CPA6: variants seen among roughly 807,000 people sequenced by gnomAD.
CPA6 encodes the protein carboxypeptidase A6.
Under a neutral mutation model 63.3 loss-of-function variants are expected in CPA6, and 58 were observed. The observed-to-expected ratio is 0.92, with a 90% confidence interval of 0.74 to 1.14. The LOEUF is 1.14. Ranked by LOEUF, CPA6 falls within the 50% of genes most tolerant of loss-of-function variation. The pLI, the probability that CPA6 is intolerant of heterozygous loss-of-function variation, is 0.00. For missense variants in CPA6, 565 were observed against 526.6 expected, an observed-to-expected ratio of 1.07 and a Z score of -0.71; for synonymous variants, 185 against 179.0, an observed-to-expected ratio of 1.03 and a Z score of -0.27.
At chr8:67,681,186 G>A (rs1816584305) in intron 1 of CPA6, among the ~76,000 whole-genome samples, 1 of 145,310 alleles carries the variant, frequency 6.9e-6, no homozygotes, top group South Asian at 2.2e-4. Flanking sequence ...TCAACCCAAG[G>A]TCACAAAGAT....
intron 8 of CPA6, among the ~76,000 whole-genome samples, chr8:67,445,085 T>G (rs28454760): frequency 6.6e-6 from 1 of 151,968 alleles, no homozygotes; most frequent in East Asian, 1.9e-4. Flanking sequence ...ATGTTATATG[T>G]GCTTAGAGGA....
intron 6 of CPA6, among the ~76,000 whole-genome samples, chr8:67,486,587 C>A (rs1811483012): frequency 6.6e-6 from 1 of 152,118 alleles, no homozygotes; most frequent in Non-Finnish European, 1.5e-5. Flanking sequence ...TCCACATGAG[C>A]TAAGTGTATG....
chr8:67,710,411 C>T (rs867846183), intron 1 of CPA6, among the ~76,000 whole-genome samples: 1 of 148,750 alleles, frequency 6.7e-6, no homozygotes, highest in South Asian at 2.2e-4. Context: ...CCACCCCCCC[C>T]CAACCCCCCA....
intron 2 of CPA6, among the ~76,000 whole-genome samples, chr8:67,591,691 T>C (rs1188425843): frequency 6.6e-6 from 1 of 152,232 alleles, no homozygotes; most frequent in Non-Finnish European, 1.5e-5. Context: ...TCTGTTTGTC[T>C]GTTATTGGTG....
intron 1 of CPA6, among the ~76,000 whole-genome samples, chr8:67,631,689 T>G (rs1815334854): frequency 6.6e-6 from 1 of 152,214 alleles, no homozygotes; most frequent in African/African-American, 2.4e-5. Flanking sequence ...TAAACTTTGT[T>G]CTTTTATTGT....
intron 8 of CPA6, among the ~76,000 whole-genome samples, chr8:67,462,587 C>A (rs1810837092): frequency 6.6e-6 from 1 of 152,028 alleles, no homozygotes; most frequent in Non-Finnish European, 1.5e-5. Context: ...TGGACATTGC[C>A]AAAGACCCAT....
chr8:67,430,504 A>G (rs966004526), intron 9 of CPA6, among the ~76,000 whole-genome samples: 1 of 152,168 alleles, frequency 6.6e-6, no homozygotes, highest in African/African-American at 2.4e-5. Flanking sequence ...ATGACTAAAA[A>G]ACATTGCCAG....
intron 2 of CPA6, among the ~76,000 whole-genome samples, chr8:67,590,671 G>T (rs1285628503): frequency 6.6e-6 from 1 of 152,026 alleles, no homozygotes; most frequent in Admixed American, 6.6e-5. Flanking sequence ...GTGTCTTTTG[G>T]CTGCATAAAT....
At chr8:67,612,320 C>T (rs991115532) in intron 2 of CPA6, among the ~76,000 whole-genome samples, 1 of 152,178 alleles carries the variant, frequency 6.6e-6, no homozygotes, top group African/African-American at 2.4e-5. Flanking sequence ...TCTATATTAT[C>T]AAAAGCCTCA....
chr8:67,459,562 CA>C (rs1810754731), intron 8 of CPA6, among the ~76,000 whole-genome samples: 1 of 152,114 alleles, frequency 6.6e-6, no homozygotes, highest in Non-Finnish European at 1.5e-5. Context: ...CTGGAAAAGG[CA>C]AAACCGTGAG....
intron 1 of CPA6, among the ~76,000 whole-genome samples, chr8:67,698,897 C>T (rs1225393920): frequency 1.3e-5 from 2 of 152,116 alleles, no homozygotes; most frequent in Non-Finnish European, 2.9e-5. Flanking sequence ...ATCTTGTTTC[C>T]TGAATGTGGC....
intron 5 of CPA6, among the ~76,000 whole-genome samples, chr8:67,508,051 G>C (rs567662184): frequency 1.4e-5 from 2 of 140,214 alleles, no homozygotes; most frequent in East Asian, 4.2e-4. Context: ...GTGTGTGTCT[G>C]TTTGCTTGCT....
At position 67,484,887 on chromosome 8, in the gene CPA6, G is replaced by A. The variant is rs576833765; in HGVS notation, c.637-98C>T. 155 of 596,322 alleles carry A rather than the reference G, an allele frequency of 2.6e-4. No individual in the cohort carries two copies. The African/African-American group carries it at 2.7e-3, about 10-fold the overall frequency. The allele number at this position is 596,322 out of a possible 1,614,324, so 36.9% of individuals were successfully genotyped here. ...TCTATCCATGAGAACTACCAAATACGGTGGTTTAAAAAGTCATAAACTAAC... is the reference window on the plus strand; with the variant it reads ...TCTATCCATGAGAACTACCAAATACAGTGGTTTAAAAAGTCATAAACTAAC... On this transcript the variant is annotated intron_variant, in intron 6 of 10. Coordinates refer to ENST00000297770, the MANE Select transcript of CPA6 (RefSeq NM_020361.5).
chr8:67,631,902 G>C (rs567096028), intron 1 of CPA6, among the ~76,000 whole-genome samples: 1 of 151,954 alleles, frequency 6.6e-6, no homozygotes, highest in Non-Finnish European at 1.5e-5. Flanking sequence ...TGAAGCCAGC[G>C]AGACCACGAA....
chr8:67,472,311 T>A (rs560185980), intron 8 of CPA6, among the ~76,000 whole-genome samples: 1 of 149,708 alleles, frequency 6.7e-6, no homozygotes. Context: ...ACTTCAAAAA[T>A]AGCATTTTTA....
chr8:67,455,060 T>A (rs2128956208), intron 8 of CPA6, among the ~76,000 whole-genome samples: 1 of 152,258 alleles, frequency 6.6e-6, no homozygotes, highest in African/African-American at 2.4e-5. Context: ...AAAAATACGA[T>A]TTTAATTAAA....
At chr8:67,676,317 C>G (rs1040180559) in intron 1 of CPA6, among the ~76,000 whole-genome samples, 1 of 152,154 alleles carries the variant, frequency 6.6e-6, no homozygotes, top group Non-Finnish European at 1.5e-5. Flanking sequence ...AAGGTTTAAC[C>G]CACGTTCAAA....
intron 8 of CPA6, among the ~76,000 whole-genome samples, chr8:67,435,712 CA>C (rs1810136652): frequency 6.6e-6 from 1 of 152,086 alleles, no homozygotes; most frequent in Non-Finnish European, 1.5e-5. Context: ...GGGATAGGTG[CA>C]GTGGTCAGAT....
chr8:67,671,974 T>C (rs1816357038), intron 1 of CPA6, among the ~76,000 whole-genome samples: 1 of 152,004 alleles, frequency 6.6e-6, no homozygotes, highest in Non-Finnish European at 1.5e-5. Context: ...GAATTACAGG[T>C]GCGCACCACC....
Sources: allele counts gnomAD v4.1 joint callset (sites outside exome capture counted in the v4.1 genomes callset), GRCh38; gene constraint gnomAD v4.1.1; transcripts MANE v1.5; gene names NCBI Gene and HGNC (gene_info 2026-07-23, HGNC 2026-07-21).